The following CDR2 variants were observed in gnomAD, a reference collection of about 807,000 sequenced individuals.
CDR2 encodes the protein cerebellar degeneration related protein 2.
Under a neutral mutation model 48.4 loss-of-function variants are expected in CDR2, and 34 were observed. That is an observed-to-expected ratio of 0.70 (90% confidence interval 0.53 to 0.94). CDR2 has a LOEUF of 0.94. Ranked by LOEUF, CDR2 falls within the 40% of genes least tolerant of loss-of-function variation. The pLI, the probability that CDR2 is intolerant of heterozygous loss-of-function variation, is 0.00. For missense variants in CDR2, 498 were observed against 549.5 expected (o/e 0.91, Z 0.94); for synonymous variants, 240 against 219.7 (o/e 1.09, Z -0.82).
chr16:22,357,479 G>T (rs371357137), intron 2 of CDR2, among the ~76,000 whole-genome samples: 13 of 152,212 alleles, frequency 8.5e-5, no homozygotes, highest in African/African-American at 3.1e-4. Flanking sequence ...ATTGTGCTTG[G>T]CATGACTCAG....
chr16:22,371,554 G>C lies in CDR2; in HGVS notation c.79+2677C>G, dbSNP rs953309311. On this transcript the variant is annotated intron_variant, in intron 1 of 4. Transcript: ENST00000268383. ...GCCCCAGGGCCCAGGCGAATACCTG[G>C]CAAAGAGCAGATAATACATTTTTGA... Among the ~76,000 whole-genome samples, 7 of 152,196 alleles carry C rather than the reference G, an allele frequency of 4.6e-5. No homozygotes were observed. In the East Asian group the frequency reaches 1.3e-3, roughly 29 times the overall value.
rs1184160607 is a variant in CDR2, at chr16:22,347,376, C to G, written c.954G>C (p.Leu318Phe). The change falls in exon 5 of 5, where the codon TTG (leucine) becomes TTC (phenylalanine). Residue 318 changes from leucine (L) to phenylalanine (F), a missense_variant. Leu to Phe is a conservative substitution (Grantham distance 22). Coordinates refer to ENST00000268383, the MANE Select transcript of CDR2 (RefSeq NM_001802.2). ...RSSSETILSS[L>F]AGSDIVKGHE... ...GGCCCTTCACGATGTCACTCCCTGC[C>G]AAGCTGCTGAGGATCGTCTCACTGC... 1 of 1,614,234 alleles carries G rather than the reference C, an allele frequency of 6.2e-7. No individual in the cohort carries two copies. The highest frequency in any genetic ancestry group is 8.5e-7 in the Non-Finnish European group (1 of 1,180,046).
chr16:22,351,691 A>AT (rs1311878676), intron 2 of CDR2, among the ~76,000 whole-genome samples: 1 of 152,208 alleles, frequency 6.6e-6, no homozygotes, highest in Non-Finnish European at 1.5e-5. Context: ...TTCACGAGAA[A>AT]TTTATCAGAT....
At chr16:22,373,324 G>A (rs568232361) in intron 1 of CDR2, among the ~76,000 whole-genome samples, 22 of 152,284 alleles carry the variant, frequency 1.4e-4, no homozygotes, top group African/African-American at 5.1e-4. Flanking sequence ...GAAGAAAAGT[G>A]GCAGAGATAG....
chr16:22,349,633 T>A (rs187225624), intron 3 of CDR2, 68 bp downstream of exon 3: 7 of 1,526,238 alleles, frequency 4.6e-6, no homozygotes, highest in African/African-American at 1.4e-5. Context: ...ACTGCAGCCA[T>A]GTTCTATTCT....
intron 1 of CDR2, among the ~76,000 whole-genome samples, chr16:22,369,427 C>G (rs2141854468): frequency 6.6e-6 from 1 of 152,304 alleles, no homozygotes; most frequent in East Asian, 1.9e-4. Flanking sequence ...AACCTCTTCC[C>G]TGCTCCTGCA....
Position 22,349,241 on chromosome 16 carries a change from A to G in CDR2, c.506+38T>C, listed in dbSNP as rs576588040. On this transcript the variant is annotated intron_variant, in intron 4 of 4. Transcript: ENST00000268383. ...TCAGAATGTGCCAATGACATGAGAC[A>G]GTCCCTGCTGTAACTCCACAGAAAG... The G allele has an allele frequency of 6.2e-6, 10 of 1,607,886 alleles. 1 individual carries two copies. In the South Asian group the frequency reaches 1.1e-4, roughly 18 times the overall value.
Position 22,363,051 on chromosome 16 carries a change from C to G in CDR2, c.192+1851G>C, listed in dbSNP as rs140524445. Among the ~76,000 whole-genome samples the G allele has an allele frequency of 3.6e-4, 54 of 151,200 alleles. No individual in the cohort carries two copies. In the East Asian group the frequency reaches 8.6e-3, roughly 24 times the overall value. The stretch of plus-strand genomic sequence containing the variant: ...CACTGCAACCTTCACCTCCCGGGTT[C>G]AAGTGATTCTCCTGCCTCAGTGTCC... On this transcript the variant is annotated intron_variant, in intron 2 of 4. Transcript: ENST00000268383.
At chr16:22,357,485 C>T (rs1448112848) in intron 2 of CDR2, among the ~76,000 whole-genome samples, 2 of 152,354 alleles carry the variant, frequency 1.3e-5, no homozygotes, top group Non-Finnish European at 2.9e-5. Context: ...CTTGGCATGA[C>T]TCAGACTGTG....
chr16:22,364,570 T>G (rs1231053053), intron 2 of CDR2, among the ~76,000 whole-genome samples: 1 of 152,112 alleles, frequency 6.6e-6, no homozygotes, highest in Non-Finnish European at 1.5e-5. Context: ...TCTTAAATAT[T>G]GCATGTTTTA....
chr16:22,347,589 C>T lies in CDR2; in HGVS notation c.741G>A (p.Ala247=), dbSNP rs771155158. ...CTGCCACCTCGGCCTCTAGTTCCAG[C>T]GCCCGTGCTCGGTAGGCACCTGTGG... ...LGATGAYRAR[A]LELEAEVAEM... The change falls in exon 5 of 5, where the codon GCG becomes GCA. Residue 247 remains alanine (A), a synonymous_variant. Transcript: ENST00000268383. 4.0e-5 allele frequency: 64 copies of T among 1,614,032 alleles called. No homozygotes were observed. In the Admixed American group the frequency reaches 5.0e-4, roughly 13 times the overall value.
chr16:22,373,121 G>A (rs960150842), intron 1 of CDR2, among the ~76,000 whole-genome samples: 1 of 152,152 alleles, frequency 6.6e-6, no homozygotes, highest in African/African-American at 2.4e-5. Flanking sequence ...GTTACTGGGA[G>A]AATTAAATGA....
At chr16:22,366,954 T>C (rs2141852984) in intron 1 of CDR2, 1 of 152,336 alleles carries the variant, frequency 6.6e-6, no homozygotes, top group East Asian at 1.9e-4. Context: ...TGTTGACCAA[T>C]TCAATATAAA....
At chr16:22,364,596 C>T (rs975147510) in intron 2 of CDR2, among the ~76,000 whole-genome samples, 2 of 152,188 alleles carry the variant, frequency 1.3e-5, no homozygotes, top group Non-Finnish European at 1.5e-5. Context: ...GGTGTGGTGG[C>T]CCATGCCTGT....
At chr16:22,369,882 C>A (rs1382367128) in intron 1 of CDR2, among the ~76,000 whole-genome samples, 1 of 152,218 alleles carries the variant, frequency 6.6e-6, no homozygotes, top group African/African-American at 2.4e-5. Context: ...AAGCCTTATA[C>A]ACCTGTTCAT....
chr16:22,361,180 A>T (rs975560547), intron 2 of CDR2, among the ~76,000 whole-genome samples: 4 of 152,238 alleles, frequency 2.6e-5, no homozygotes, highest in Non-Finnish European at 5.9e-5. Flanking sequence ...GGTGGTGACC[A>T]GATGAGCTGA....
rs933216585 is a variant in CDR2 at position 22,349,361 on chromosome 16, C to T, written c.424G>A (p.Gly142Arg). 6.2e-7 allele frequency: 1 copy of T among 1,614,082 alleles called. No homozygotes were observed. The highest frequency in any genetic ancestry group is 8.5e-7 in the Non-Finnish European group (1 of 1,180,052). Residue 142 changes from glycine (G) to arginine (R), a missense_variant, in exon 4 of 5, where the codon GGG (glycine) becomes AGG (arginine). Physicochemically the swap from Gly to Arg is moderately radical, Grantham distance 125. Transcript: ENST00000268383. ...QVEELKSSGQ[G>R]RRSPGKCDQE... is the part of the protein sequence containing the mutation. ...TCACACTTTCCCGGGCTCCTTCTCC[C>T]TTGGCCAGATGACTTCAGCTCCTCC...
At chr16:22,362,018 C>G (rs2141850115) in intron 2 of CDR2, among the ~76,000 whole-genome samples, 1 of 151,044 alleles carries the variant, frequency 6.6e-6, no homozygotes, top group Non-Finnish European at 1.5e-5. Flanking sequence ...TCTCCTGCCT[C>G]AGCCTCCCAA....
intron 2 of CDR2, among the ~76,000 whole-genome samples, chr16:22,351,685 C>T (rs1023195243): frequency 8.5e-5 from 13 of 152,130 alleles, no homozygotes; most frequent in African/African-American, 2.7e-4. Context: ...TCCTTATTCA[C>T]GAGAAATTTA....
Sources: gnomAD v4.1 joint callset for allele counts (sites outside exome capture counted in the v4.1 genomes callset) on GRCh38, gnomAD v4.1.1 for gene constraint, MANE v1.5 for transcripts, NCBI Gene and HGNC (gene_info 2026-07-23, HGNC 2026-07-21) for gene names.